Variants in PREX1 observed in about 807,000 individuals in gnomAD.
PREX1 encodes the protein phosphatidylinositol-3,4,5-trisphosphate dependent Rac exchange factor 1.
Under a neutral mutation model 198.3 loss-of-function variants are expected in PREX1, and 41 were observed. The ratio of observed to expected loss-of-function variants is 0.21; its 90% confidence interval spans 0.16 to 0.27. The LOEUF is 0.27. PREX1 is among the 10% of genes least tolerant of loss of function. PREX1 has a pLI of 1.00. For synonymous variants in PREX1, 843 were observed against 887.2 expected (o/e 0.95, Z 0.89); for missense variants, 1,620 against 2,200.7 (o/e 0.74, Z 5.28).
At chr20:48,788,903 T>C (rs1195484483) in intron 1 of PREX1, among the ~76,000 whole-genome samples, 1 of 152,168 alleles carries the variant, frequency 6.6e-6, no homozygotes, top group East Asian at 1.9e-4. Context: ...TCAGCCCCCC[T>C]GCCACGTGAT....
intron 1 of PREX1, among the ~76,000 whole-genome samples, chr20:48,805,110 C>T (rs558259088): frequency 3.3e-5 from 5 of 152,334 alleles, no homozygotes; most frequent in Non-Finnish European, 7.4e-5. Flanking sequence ...CATCTCCTTA[C>T]CACCGGGCTG....
At chr20:48,783,326 A>C (rs2090298289) in intron 1 of PREX1, among the ~76,000 whole-genome samples, 1 of 152,006 alleles carries the variant, frequency 6.6e-6, no homozygotes, top group South Asian at 2.1e-4. Flanking sequence ...GTGACTCCGA[A>C]GTTTTTGGCC....
intron 1 of PREX1, among the ~76,000 whole-genome samples, chr20:48,812,208 T>C (rs573178005): frequency 1.3e-5 from 2 of 151,962 alleles, no homozygotes; most frequent in African/African-American, 2.4e-5. Flanking sequence ...ACTGTCATTG[T>C]GAAAAACTGA....
intron 25 of PREX1, among the ~76,000 whole-genome samples, chr20:48,648,408 G>A (rs965849048): frequency 3.3e-5 from 5 of 152,146 alleles, no homozygotes; most frequent in Admixed American, 6.5e-5. Flanking sequence ...CCAGCATCTC[G>A]TAGGTAGAGA....
At chr20:48,781,344 C>T (rs538365160) in intron 1 of PREX1, among the ~76,000 whole-genome samples, 10 of 152,294 alleles carry the variant, frequency 6.6e-5, no homozygotes, top group Non-Finnish European at 1.5e-5. Flanking sequence ...GAAGGATGTA[C>T]AAGAACTCTG....
chr20:48,824,436 C>T lies in PREX1; in HGVS notation c.219+3206G>A, dbSNP rs181299364. On this transcript the variant is annotated intron_variant, in intron 1 of 39. Transcript: ENST00000371941. Reference sequence around the variant, plus strand: ...CATCCTCCTCTCAGTGCTGACTTAACTCAGACCTCACTTCCTCCAGGAAGC... The same window carrying T: ...CATCCTCCTCTCAGTGCTGACTTAATTCAGACCTCACTTCCTCCAGGAAGC... 1.9e-3 allele frequency among the ~76,000 whole-genome samples: 288 copies of T among 152,298 alleles called. 1 individual carries two copies. The highest frequency in any genetic ancestry group is 6.4e-3 in the African/African-American group (264 of 41,568).
At chr20:48,789,926 ATGAAG>A (rs2090330606) in intron 1 of PREX1, among the ~76,000 whole-genome samples, 1 of 152,180 alleles carries the variant, frequency 6.6e-6, no homozygotes, top group African/African-American at 2.4e-5. Flanking sequence ...GAGAAAAAGA[ATGAAG>A]TGAAGAAGGG....
intron 2 of PREX1, 84 bp from the exon 3 acceptor site, chr20:48,745,231 T>C: frequency 2.8e-6 from 4 of 1,442,772 alleles, no homozygotes; most frequent in Non-Finnish European, 3.7e-6. Flanking sequence ...CAAACCTCGG[T>C]GCGGGTGACA....
At chr20:48,711,638 T>C (rs924747236) in intron 5 of PREX1, among the ~76,000 whole-genome samples, 2 of 152,192 alleles carry the variant, frequency 1.3e-5, no homozygotes, top group Non-Finnish European at 2.9e-5. Flanking sequence ...CACTGATATA[T>C]TGTCAGTGGT....
chr20:48,767,542 C>T (rs550915268), intron 1 of PREX1, among the ~76,000 whole-genome samples: 1 of 152,258 alleles, frequency 6.6e-6, no homozygotes, highest in South Asian at 2.1e-4. Flanking sequence ...AAATAGATAA[C>T]GAACCCTAAC....
chr20:48,662,766 C>A (rs996147775), intron 15 of PREX1, among the ~76,000 whole-genome samples: 3 of 152,194 alleles, frequency 2.0e-5, no homozygotes, highest in African/African-American at 7.2e-5. Flanking sequence ...CTATTTTAGC[C>A]TATTTTTGAG....
At chr20:48,831,510 C>G (rs1042320828), upstream of PREX1, among the ~76,000 whole-genome samples, 1 of 152,180 alleles carries the variant, frequency 6.6e-6, no homozygotes, top group African/African-American at 2.4e-5. Flanking sequence ...CTTGTGCTGC[C>G]GGCATTATTC....
At chr20:48,805,418 C>A (rs2090407442) in intron 1 of PREX1, among the ~76,000 whole-genome samples, 1 of 152,234 alleles carries the variant, frequency 6.6e-6, no homozygotes, top group African/African-American at 2.4e-5. Flanking sequence ...GTGCTCTCTG[C>A]CAAGTGCAGC....
intron 32 of PREX1, 102 bp downstream of exon 32, chr20:48,636,361 C>T: frequency 8.2e-7 from 1 of 1,222,946 alleles, no homozygotes; most frequent in Non-Finnish European, 1.1e-6. Context: ...AATGACGAGG[C>T]CAGGGGGAGC....
chr20:48,827,850 G>T lies in PREX1; in HGVS notation c.11C>A (p.Pro4His). 1.0e-6 allele frequency: 1 copy of T among 986,638 alleles called. No homozygotes were observed. Among genetic ancestry groups the T allele is most frequent in the East Asian group, 1.1e-4 (1 of 8,870 alleles). 61.1% of individuals were successfully genotyped at this position (986,638 alleles called of 1,614,324 possible). Residue 4 changes from proline (P) to histidine (H), a missense_variant, in exon 1 of 40, where the codon CCC becomes CAC. Coordinates refer to ENST00000371941, the MANE Select transcript of PREX1 (RefSeq NM_020820.4). This position sits in a 1 kb window ranked among gnomAD's most constrained non-coding sequence, Gnocchi z 4.1. Reference sequence around the variant, plus strand: ...GTCGCCGCCGGGCTCGCTGCCGCTGGGCGCCTCCATTCTAGCGCGGCCGCG... The same window carrying T: ...GTCGCCGCCGGGCTCGCTGCCGCTGTGCGCCTCCATTCTAGCGCGGCCGCG... The part of the protein sequence containing the change: MEA[P>H]SGSEPGGDGA...
chr20:48,749,008 C>T, intron 1 of PREX1, among the ~76,000 whole-genome samples: 1 of 152,110 alleles, frequency 6.6e-6, no homozygotes, highest in East Asian at 1.9e-4. Context: ...TGACGGTGGC[C>T]TGGCACCAGG....
chr20:48,643,389 A>C (rs1242427161), intron 27 of PREX1, among the ~76,000 whole-genome samples: 3 of 151,990 alleles, frequency 2.0e-5, no homozygotes, highest in Non-Finnish European at 2.9e-5. Flanking sequence ...AAATCGCTTG[A>C]ACCCGGGAGG....
At chr20:48,761,325 G>C (rs2090178726) in intron 1 of PREX1, among the ~76,000 whole-genome samples, 1 of 152,200 alleles carries the variant, frequency 6.6e-6, no homozygotes, top group South Asian at 2.1e-4. Context: ...TAGCCCACTT[G>C]AGTCTCACCT....
the PREX1 span, among the ~76,000 whole-genome samples, chr20:48,859,844 C>T: frequency 7.2e-5 from 11 of 152,148 alleles, no homozygotes; most frequent in Non-Finnish European, 1.6e-4. Context: ...ATGGCGAAAC[C>T]CTGTCTCTAC....
Sources: allele counts gnomAD v4.1 joint callset (sites outside exome capture counted in the v4.1 genomes callset), GRCh38; gene constraint gnomAD v4.1.1; non-coding constraint Gnocchi (gnomAD v3.1); transcripts MANE v1.5; gene names NCBI Gene and HGNC (gene_info 2026-07-23, HGNC 2026-07-21).